The following ZNF679 variants were observed in gnomAD, a reference collection of about 807,000 sequenced individuals.
ZNF679 encodes zinc finger protein 679, also known as hypothetical protein MGC42415.
Under a neutral mutation model 13.4 loss-of-function variants are expected in ZNF679, and 10 were observed. The ratio of observed to expected loss-of-function variants is 0.75; its 90% CI spans 0.46 to 1.27. The LOEUF is 1.27. ZNF679 is among the 50% of genes most tolerant of loss of function. ZNF679 has a pLI of 0.00. For missense variants in ZNF679, 525 were observed against 477.8 expected, an observed-to-expected ratio of 1.10 and a Z score of -0.92; for synonymous variants, 179 against 162.5, an observed-to-expected ratio of 1.10 and a Z score of -0.77.
At position 64,249,187 on chromosome 7, in the gene ZNF679, G is replaced by C. The variant is rs1004889226; in HGVS notation, c.39+31G>C. 1.1e-5 allele frequency: 17 copies of C among 1,613,986 alleles called. No individual in the cohort carries two copies. The African/African-American group carries it at 1.3e-4, about 13-fold the overall frequency. On this transcript the variant is annotated intron_variant, in intron 2 of 4. Coordinates refer to ENST00000421025, the MANE Select transcript of ZNF679 (RefSeq NM_153363.3). Reference sequence around the variant, plus strand: ...TGCTGGGTCTGTCACCGTGAGAGAGGGGTGAGGGCTGGTTGGAACCGGCTG... The same window carrying C: ...TGCTGGGTCTGTCACCGTGAGAGAGCGGTGAGGGCTGGTTGGAACCGGCTG...
chr7:64,238,036 T>C (rs1787750484), intron 1 of ZNF679, among the ~76,000 whole-genome samples: 1 of 152,204 alleles, frequency 6.6e-6, no homozygotes, highest in Admixed American at 6.5e-5. Flanking sequence ...TTGTGACTGA[T>C]GGTCAGGATC....
intron 4 of ZNF679, 105 bp downstream of exon 4, chr7:64,261,034 G>A (rs1788070254): frequency 1.7e-6 from 2 of 1,194,992 alleles, no homozygotes; most frequent in South Asian, 1.5e-5. Flanking sequence ...TCCATGGAAA[G>A]AGTTTCTAAG....
chr7:64,261,903 G>T (rs1214569006), intron 4 of ZNF679, among the ~76,000 whole-genome samples: 1 of 144,458 alleles, frequency 6.9e-6, no homozygotes, highest in Non-Finnish European at 1.5e-5. Flanking sequence ...TTGTTGCCTA[G>T]GCTGCAGTGC....
intron 1 of ZNF679, among the ~76,000 whole-genome samples, chr7:64,231,359 C>T (rs564364715): frequency 6.6e-6 from 1 of 152,268 alleles, no homozygotes; most frequent in East Asian, 1.9e-4. Context: ...CAATATTTCC[C>T]TTGTGAGCAG....
chr7:64,249,000 C>T, intron 1 of ZNF679, 28 bp from the exon 2 acceptor site: 4 of 1,467,006 alleles, frequency 2.7e-6, no homozygotes, highest in East Asian at 2.4e-5. Flanking sequence ...CGTAATTTTC[C>T]GGGTCCTTTG....
intron 2 of ZNF679, among the ~76,000 whole-genome samples, chr7:64,256,580 G>GT (rs34186622): frequency 0.88 from 133,390 of 151,948 alleles, 59,325 homozygotes; most frequent in Non-Finnish European, 0.94. Flanking sequence ...AGCATCTGTT[G>GT]TTTTGGACTT....
intron 2 of ZNF679, among the ~76,000 whole-genome samples, chr7:64,259,155 ACCCGCCTTGG>A (rs1424562820): frequency 6.6e-6 from 1 of 151,768 alleles, no homozygotes; most frequent in Non-Finnish European, 1.5e-5. Flanking sequence ...CAAGTGATCC[ACCCGCCTTGG>A]CCCCACAAAG....
chr7:64,230,963 C>G (rs1265644605), intron 1 of ZNF679, among the ~76,000 whole-genome samples: 1 of 152,206 alleles, frequency 6.6e-6, no homozygotes, highest in Non-Finnish European at 1.5e-5. Flanking sequence ...TTGACTGTCT[C>G]TGAGCAGAAG....
intron 1 of ZNF679, among the ~76,000 whole-genome samples, chr7:64,242,841 C>G (rs192994165): frequency 6.6e-6 from 1 of 151,906 alleles, no homozygotes; most frequent in African/African-American, 2.4e-5. Flanking sequence ...GTCAACACCT[C>G]TTCTATTAGC....
At chr7:64,235,335 C>CA (rs199571542) in intron 1 of ZNF679, among the ~76,000 whole-genome samples, 5,760 of 122,602 alleles carry the variant, frequency 0.047, 181 homozygotes, top group East Asian at 0.19. Flanking sequence ...TTCTGAGATA[C>CA]AAAAAAAAAA....
chr7:64,241,782 C>A (rs1787802110), intron 1 of ZNF679, among the ~76,000 whole-genome samples: 1 of 152,160 alleles, frequency 6.6e-6, no homozygotes, highest in Non-Finnish European at 1.5e-5. Flanking sequence ...TGTAATTTCT[C>A]CTGAGGACAG....
chr7:64,265,079 G>C (rs567620897), intron 4 of ZNF679, among the ~76,000 whole-genome samples: 2 of 151,674 alleles, frequency 1.3e-5, no homozygotes, highest in African/African-American at 4.8e-5. Flanking sequence ...CTTTATTTTT[G>C]TAGTTGCTTT....
chr7:64,238,985 A>G (rs1787760605), intron 1 of ZNF679, among the ~76,000 whole-genome samples: 1 of 152,020 alleles, frequency 6.6e-6, no homozygotes, highest in African/African-American at 2.4e-5. Flanking sequence ...TTGTATGAAG[A>G]TCACAGAGGA....
Position 64,260,936 on chromosome 7 carries a change from G to A in ZNF679, c.262+7G>A. The A allele has an allele frequency of 6.2e-7, 1 of 1,607,772 alleles. No homozygotes were observed. On this transcript the variant is annotated splice_region_variant and intron_variant, in intron 4 of 4. Coordinates refer to ENST00000421025, the MANE Select transcript of ZNF679 (RefSeq NM_153363.3). The stretch of plus-strand genomic sequence containing the variant: ...ATGGTAACCAAACACCCAGGTAAGT[G>A]AGAGTGGATGAAGCGGATGACACAG...
At chr7:64,235,182 A>G (rs947127083) in intron 1 of ZNF679, among the ~76,000 whole-genome samples, 3 of 152,174 alleles carry the variant, frequency 2.0e-5, no homozygotes, top group African/African-American at 7.2e-5. Context: ...AGAAATCAAT[A>G]GCCAAAGAAA....
chr7:64,264,537 C>A (rs1293393415), intron 4 of ZNF679, among the ~76,000 whole-genome samples: 2 of 151,324 alleles, frequency 1.3e-5, no homozygotes, highest in African/African-American at 4.9e-5. Context: ...CTCTTTTCAG[C>A]ATTTTATTTA....
Position 64,249,131 on chromosome 7 carries a change from C to T in ZNF679, c.14C>T (p.Pro5Leu), listed in dbSNP as rs559743213. The T allele has an allele frequency of 1.2e-6, 2 of 1,613,950 alleles. No homozygotes were observed. Among genetic ancestry groups the T allele is most frequent in the South Asian group, 1.1e-5 (1 of 91,078 alleles). Reference sequence around the variant, plus strand: ...ATCCGCAGATTTATGGCTAAAAGACCGGGATCCCCTGGAAGCCGAGAAATG... The same window carrying T: ...ATCCGCAGATTTATGGCTAAAAGACTGGGATCCCCTGGAAGCCGAGAAATG... MAKR[P>L]GSPGSREMGL... is the part of the protein sequence containing the mutation. Residue 5 changes from proline to leucine, a missense_variant, in exon 2 of 5, where the codon CCG becomes CTG. Coordinates refer to ENST00000421025, the MANE Select transcript of ZNF679 (RefSeq NM_153363.3).
chr7:64,265,983 A>G lies in ZNF679; in HGVS notation c.350A>G (p.Lys117Arg), dbSNP rs1788139159. 1 of 1,613,844 alleles carries G rather than the reference A, an allele frequency of 6.2e-7. No homozygotes were observed. Among genetic ancestry groups the G allele is most frequent in the African/African-American group, 1.3e-5 (1 of 75,060 alleles). Residue 117 changes from lysine (K) to arginine (R), a missense_variant, in exon 5 of 5, where the codon AAA (lysine) becomes AGA (arginine). Physicochemically the swap from Lys to Arg is conservative, Grantham distance 26 (BLOSUM62 2). Coordinates refer to ENST00000421025, the MANE Select transcript of ZNF679 (RefSeq NM_153363.3). ...AAAGTAATACCAAGAAGATATGGAA[A>G]AAGTGGACATGACAATTTACAAGTA... ...LQKVIPRRYGKSGHDNLQVKT... is the reference protein window; with the variant it reads ...LQKVIPRRYGRSGHDNLQVKT...
In ZNF679 at chr7:64,246,154, G is replaced by A. The variant is rs910010245; in HGVS notation, c.-90-2874G>A. ...CTTTTCTAAGTTGCACCTCAAACAC[G>A]AGTTTCGTCAAGTGTTCTTGCCTTT... On this transcript the variant is annotated intron_variant, in intron 1 of 4. Transcript: ENST00000421025. 4.6e-5 allele frequency among the ~76,000 whole-genome samples: 7 copies of A among 152,136 alleles called. No homozygotes were observed. The South Asian group carries it at 1.2e-3, about 27-fold the overall frequency.
Sources: gnomAD v4.1 joint callset for allele counts (sites outside exome capture counted in the v4.1 genomes callset) on GRCh38, gnomAD v4.1.1 for gene constraint, MANE v1.5 for transcripts, NCBI Gene and HGNC (gene_info 2026-07-23, HGNC 2026-07-21) for gene names.